ANK3: variants seen among roughly 807,000 people sequenced by gnomAD.
ANK3 encodes the protein ankyrin 3.
ANK3 carries 57 observed loss-of-function variants against 370.9 expected under a neutral mutation model. The ratio of observed to expected loss-of-function variants is 0.15; its 90% CI spans 0.12 to 0.19. ANK3 has a LOEUF of 0.19. ANK3 is among the 10% of genes least tolerant of loss of function. ANK3 has a pLI of 1.00. For synonymous variants in ANK3, 1,929 were observed against 1,946.3 expected, an observed-to-expected ratio of 0.99 and a Z score of 0.23; for missense variants, 4,439 against 5,302.1, an observed-to-expected ratio of 0.84 and a Z score of 5.06.
chr10:60,608,518 T>TATA (rs1020378074), intron 2 of ANK3, among the ~76,000 whole-genome samples: 1 of 152,180 alleles, frequency 6.6e-6, no homozygotes, highest in Non-Finnish European at 1.5e-5. Context: ...ACAGTATTTA[T>TATA]CATGTCAAAG....
intron 28 of ANK3, among the ~76,000 whole-genome samples, chr10:60,094,181 A>ATT (rs1169437967): frequency 8.8e-4 from 102 of 116,366 alleles, no homozygotes; most frequent in Non-Finnish European, 1.5e-3. Flanking sequence ...ACAGTATTCT[A>ATT]TTTTTTTTTT....
chr10:60,155,533 G>T (rs2095304535), intron 23 of ANK3, among the ~76,000 whole-genome samples: 2 of 152,344 alleles, frequency 1.3e-5, no homozygotes, highest in South Asian at 4.1e-4. Flanking sequence ...AAGCTCTGGT[G>T]CTACCCTGGT....
At chr10:60,607,932 T>C (rs2078150047) in intron 2 of ANK3, among the ~76,000 whole-genome samples, 1 of 152,140 alleles carries the variant, frequency 6.6e-6, no homozygotes, top group Non-Finnish European at 1.5e-5. Flanking sequence ...CTCCAGCTGA[T>C]TGCCCTGAGA....
intron 42 of ANK3, chr10:60,053,710 C>T (rs750992278): frequency 1.8e-5 from 24 of 1,303,610 alleles, no homozygotes; most frequent in Admixed American, 4.6e-5. Flanking sequence ...GTGTAGGAGC[C>T]GCACCCGGAC....
intron 1 of ANK3, among the ~76,000 whole-genome samples, chr10:60,701,167 A>G (rs527275186): frequency 1.3e-5 from 2 of 152,298 alleles, no homozygotes; most frequent in East Asian, 3.9e-4. Flanking sequence ...TTCTCATAAG[A>G]GAAATGAAAA....
At chr10:60,104,145 G>C (rs925880682) in intron 28 of ANK3, among the ~76,000 whole-genome samples, 2 of 151,666 alleles carry the variant, frequency 1.3e-5, no homozygotes, top group Non-Finnish European at 2.9e-5. Context: ...TTTGAACCTG[G>C]GTGAAAGAAT....
intron 18 of ANK3, among the ~76,000 whole-genome samples, chr10:60,173,650 G>A (rs2095851107): frequency 6.6e-6 from 1 of 152,178 alleles, no homozygotes; most frequent in Non-Finnish European, 1.5e-5. Flanking sequence ...ATAGAGATAG[G>A]AAGAAGCACA....
chr10:60,523,482 C>A lies in ANK3; in HGVS notation c.96+91704G>T, dbSNP rs867566304. Among the ~76,000 whole-genome samples the A allele has an allele frequency of 2.1e-4, 31 of 145,798 alleles. 1 individual carries two copies. Among genetic ancestry groups the A allele is most frequent in the Middle Eastern group, 3.8e-3 (1 of 264 alleles). ...TTCAATTCCCACCTATGAGTGAGAA[C>A]ATGCGGTGTTTGGTTTTTTTGTCCT... On this transcript the variant is annotated intron_variant, in intron 2 of 43. Transcript: ENST00000373827.
chr10:60,141,572 T>TGG (rs369337804), intron 23 of ANK3, among the ~76,000 whole-genome samples: 1 of 19,690 alleles, frequency 5.1e-5, no homozygotes, highest in African/African-American at 8.6e-5. Context: ...TTTTTTTTTT[T>TGG]TTTTTTTTTT....
rs2096582750 is a variant in ANK3, at chr10:60,196,159, G to A, written c.1873C>T (p.His625Tyr). 2 of 1,613,754 alleles carry A rather than the reference G, an allele frequency of 1.2e-6. No homozygotes were observed. Among genetic ancestry groups the A allele is most frequent in the Non-Finnish European group, 1.7e-6 (2 of 1,179,844 alleles). Reference sequence around the variant, plus strand: ...ATTATAGGTACCTTTGCGGCTGCGTGAGGTGAGGCTCCTTGGTCCAAAAGC... The same window carrying A: ...ATTATAGGTACCTTTGCGGCTGCGTAAGGTGAGGCTCCTTGGTCCAAAAGC... ...LLLLDQGASP[H>Y]AAAKNGYTPL... The change falls in exon 16 of 44, where the codon CAC becomes TAC. Residue 625 changes from histidine to tyrosine, a missense_variant. This residue lies in a region of ANK3 where 192 missense variants were observed against 192.1 expected (regional missense o/e 1.00). Coordinates refer to ENST00000280772, the MANE Select transcript of ANK3 (RefSeq NM_020987.5).
intron 5 of ANK3, among the ~76,000 whole-genome samples, chr10:60,265,093 AT>A (rs149177086): frequency 2.0e-5 from 3 of 152,068 alleles, no homozygotes; most frequent in Non-Finnish European, 4.4e-5. Flanking sequence ...TACCACACTT[AT>A]TTTTTTGTGG....
At chr10:60,064,679 C>T (rs1313421052) in intron 38 of ANK3, among the ~76,000 whole-genome samples, 2 of 141,746 alleles carry the variant, frequency 1.4e-5, no homozygotes, top group Admixed American at 6.9e-5. Flanking sequence ...ACAGCAACAA[C>T]AACAACAACA....
chr10:60,395,610 C>CTTTCTTTCTTTCTTTT (rs1567004658), intron 2 of ANK3, among the ~76,000 whole-genome samples: 1 of 85,014 alleles, frequency 1.2e-5, no homozygotes, highest in African/African-American at 5.0e-5. Flanking sequence ...CTTTCTTTCT[C>CTTTCTTTCTTTCTTTT]TCTTTCGTTC....
chr10:60,199,223 T>A (rs1405774167), intron 13 of ANK3, among the ~76,000 whole-genome samples: 1 of 152,212 alleles, frequency 6.6e-6, no homozygotes, highest in African/African-American at 2.4e-5. Flanking sequence ...AAGATCCCTG[T>A]GGTAGTCCTC....
At chr10:60,553,889 C>T (rs1367374178) in intron 2 of ANK3, among the ~76,000 whole-genome samples, 1 of 152,164 alleles carries the variant, frequency 6.6e-6, no homozygotes, top group Non-Finnish European at 1.5e-5. Context: ...AAAACAGTTA[C>T]AGACTTGGAG....
intron 2 of ANK3, among the ~76,000 whole-genome samples, chr10:60,551,643 CA>C (rs11307743): frequency 0.087 from 13,291 of 152,044 alleles, 1,134 homozygotes; most frequent in East Asian, 0.31. Context: ...AAATTTAACA[CA>C]AAGAAAAACA....
intron 23 of ANK3, among the ~76,000 whole-genome samples, chr10:60,150,020 T>C (rs1335429106): frequency 6.6e-6 from 1 of 152,226 alleles, no homozygotes; most frequent in Non-Finnish European, 1.5e-5. Flanking sequence ...CCTATACCAC[T>C]TGTGCTCTTT....
intron 42 of ANK3, among the ~76,000 whole-genome samples, 164 bp downstream of exon 42, chr10:60,055,494 A>G (rs2079003552): frequency 6.6e-6 from 1 of 152,160 alleles, no homozygotes; most frequent in African/African-American, 2.4e-5. Context: ...TATGTGTTTA[A>G]CTCAGTACTT....
At chr10:60,050,454 GCCA>G (rs1419038420) in intron 42 of ANK3, among the ~76,000 whole-genome samples, 2 of 152,166 alleles carry the variant, frequency 1.3e-5, no homozygotes, top group African/African-American at 4.8e-5. Context: ...GGACACCTGT[GCCA>G]ACTTCTGTGC....
Sources: allele counts gnomAD v4.1 joint callset (sites outside exome capture counted in the v4.1 genomes callset), GRCh38; gene constraint gnomAD v4.1.1; regional missense constraint gnomAD v4.1.1; transcripts MANE v1.5; gene names NCBI Gene and HGNC (gene_info 2026-07-23, HGNC 2026-07-21).